UCP3: variants seen among roughly 807,000 people sequenced by gnomAD.
UCP3 encodes uncoupling protein 3, also known as putative mitochondrial transporter UCP3.
In UCP3, 24 loss-of-function variants were observed where a neutral mutation model predicts 28.1. The ratio of observed to expected loss-of-function variants is 0.85; its 90% CI spans 0.62 to 1.20. The LOEUF (loss-of-function observed/expected upper bound fraction) is 1.20, where lower values mean the gene tolerates loss of function less well. UCP3 is among the 50% of genes most tolerant of loss of function. The probability of loss-of-function intolerance (pLI) is 0.00; values close to 1 mark genes in which losing one functional copy is unlikely to be tolerated. For missense variants in UCP3, 397 were observed against 422.2 expected (o/e 0.94, Z 0.52); for synonymous variants, 184 against 171.2 (o/e 1.07, Z -0.59).
chr11:74,005,686 G>C, intron 4 of UCP3, 44 bp downstream of exon 4: 1 of 1,609,830 alleles, frequency 6.2e-7, no homozygotes, highest in Non-Finnish European at 8.5e-7. Flanking sequence ...TGAGGGGAGG[G>C]AAAGCTCTGC....
rs1183682904 is a variant in UCP3, at chr11:74,003,844, G to A, written c.807C>T (p.Pro269=). The change falls in exon 6 of 7, where the codon CCC becomes CCT. Residue 269 remains proline, a synonymous_variant. Transcript: ENST00000314032. The stretch of plus-strand genomic sequence containing the variant: ...AGGCTCACCCCTTGTAGAAGGCTGT[G>A]GGGCCCTCCTGGGCCACCATCTTTA... ...CMIKMVAQEG[P]TAFYKGFTPS... 1 of 1,608,894 alleles carries A rather than the reference G, an allele frequency of 6.2e-7. No homozygotes were observed. The highest frequency in any genetic ancestry group is 1.3e-5 in the African/African-American group (1 of 74,788).
At position 74,001,295 on chromosome 11, in the gene UCP3, A is replaced by AAAC. The variant is rs1951619716; in HGVS notation, c.*114_*116dup. 1 of 972,528 alleles carries AAAC rather than the reference A, an allele frequency of 1.0e-6. No individual in the cohort carries two copies. Among genetic ancestry groups the AAAC allele is most frequent in the Non-Finnish European group, 1.6e-6 (1 of 634,860 alleles). The allele number at this position is 972,528 out of a possible 1,614,324, so 60.2% of individuals were successfully genotyped here. A position where few individuals can be genotyped will look rare whatever the true frequency, so the allele number is the denominator to read the frequency against. On this transcript the variant is annotated 3_prime_UTR_variant, in exon 7 of 7. Transcript: ENST00000314032. The stretch of plus-strand genomic sequence containing the variant: ...TCTGTTTCTTGAATCAGCAACAAGT[A>AAAC]AACAACAGTTCTGTAAACATGTGTG...
Position 74,005,957 on chromosome 11 carries a change from C to T in UCP3, c.338-24G>A, listed in dbSNP as rs1179896120. The T allele has an allele frequency of 2.5e-6, 4 of 1,612,772 alleles. No homozygotes were observed. The African/African-American group carries it at 5.3e-5, about 22-fold the overall frequency. ...GTCTGGGAGGGGCAGAGAGAGTGGG[C>T]CAGTGTCCCCTACTAAGCAGCATTC... On this transcript the variant is annotated intron_variant, in intron 3 of 6. Coordinates refer to ENST00000314032, the MANE Select transcript of UCP3 (RefSeq NM_003356.4).
At position 74,001,435 on chromosome 11, in the gene UCP3, T is replaced by G; in HGVS notation, c.916A>C (p.Met306Leu). 6.2e-7 allele frequency: 1 copy of G among 1,614,186 alleles called. No homozygotes were observed. Among genetic ancestry groups the G allele is most frequent in the Non-Finnish European group, 8.5e-7 (1 of 1,180,034 alleles). ...QLKRALMKVQ[M>L]LRESPF ...GTTCAAAACGGTGATTCCCGTAACA[T>G]CTGGACTTTCATCAGGGCCCGTTTC... Residue 306 changes from methionine to leucine, a missense_variant, in exon 7 of 7, where the codon ATG (methionine) becomes CTG (leucine). Met to Leu is a conservative substitution (Grantham distance 15). Transcript: ENST00000314032.
At chr11:74,007,752 T>C (rs1951677756) in intron 1 of UCP3, among the ~76,000 whole-genome samples, 1 of 152,186 alleles carries the variant, frequency 6.6e-6, no homozygotes, top group South Asian at 2.1e-4. Context: ...AAAGCCCACC[T>C]TGGGGCTCTA....
intron 1 of UCP3, 42 bp from the exon 2 acceptor site, chr11:74,007,179 G>T: frequency 8.4e-7 from 1 of 1,187,246 alleles, no homozygotes; most frequent in Non-Finnish European, 1.2e-6. Flanking sequence ...AGTGATGTCT[G>T]GCCTGGCTCC....
intron 6 of UCP3, chr11:74,003,538 C>A: frequency 8.8e-7 from 1 of 1,135,100 alleles, no homozygotes. Context: ...GCTCAATGGC[C>A]ATGGCAGGAG....
chr11:74,006,820 C>T (rs2135389812), intron 2 of UCP3, 97 bp downstream of exon 2: 1 of 1,590,290 alleles, frequency 6.3e-7, no homozygotes, highest in Admixed American at 1.7e-5. Context: ...TGTCAGGGTT[C>T]TGAGGAAGGG....
At chr11:74,005,970 CT>C (rs772216802) in intron 3 of UCP3, 37 bp from the exon 4 acceptor site, 1,044 of 1,610,032 alleles carry the variant, frequency 6.5e-4, no homozygotes, top group Non-Finnish European at 8.5e-4. Context: ...GTGTCCCCTA[CT>C]AAGCAGCATT....
intron 5 of UCP3, 98 bp from the exon 6 acceptor site, chr11:74,004,105 A>G (rs934241306): frequency 1.3e-6 from 2 of 1,540,634 alleles, no homozygotes; most frequent in Non-Finnish European, 1.8e-6. Flanking sequence ...CTCCCTGAGC[A>G]TAGGACAGTA....
chr11:74,006,119 C>T, intron 3 of UCP3, 50 bp downstream of exon 3: 3 of 1,607,174 alleles, frequency 1.9e-6, no homozygotes, highest in Non-Finnish European at 2.5e-6. Context: ...GGTCTCTTGA[C>T]CCACACACTT....
rs1251311018 is a variant in UCP3 at position 74,001,403 on chromosome 11, T to C, written c.*9A>G. 6.2e-7 allele frequency: 1 copy of C among 1,614,036 alleles called. No homozygotes were observed. Among genetic ancestry groups the C allele is most frequent in the East Asian group, 2.2e-5 (1 of 44,890 alleles). On this transcript the variant is annotated 3_prime_UTR_variant, in exon 7 of 7. Transcript: ENST00000314032. ...GACACGTTAGCTACCAGTGGCCTTC[T>C]TGTCTTGTTCAAAACGGTGATTCCC...
rs77012485 is a variant in UCP3, at chr11:74,006,386, G to A, written c.127-7C>T. ...CCTGGTTCTCCCCCTGGATCTGAGG[G>A]ACAATAGCAGGGGGTGAGGACTCAG... On this transcript the variant is annotated splice_polypyrimidine_tract_variant and splice_region_variant and intron_variant, in intron 2 of 6. Transcript: ENST00000314032. 1.5e-3 allele frequency: 2,346 copies of A among 1,549,650 alleles called. 22 individuals carry two copies. In the African/African-American group the frequency reaches 0.027, roughly 18 times the overall value.
chr11:74,003,281 T>C (rs1951634308), intron 6 of UCP3, among the ~76,000 whole-genome samples: 2 of 152,160 alleles, frequency 1.3e-5, no homozygotes, highest in Non-Finnish European at 2.9e-5. Context: ...AATACTATAA[T>C]ACAAGGCAGG....
intron 6 of UCP3, chr11:74,003,580 C>G: frequency 8.1e-7 from 1 of 1,234,712 alleles, no homozygotes; most frequent in Non-Finnish European, 1.0e-6. Flanking sequence ...CTAACTTCCT[C>G]TGGAGACAGG....
intron 1 of UCP3, 79 bp from the exon 2 acceptor site, chr11:74,007,216 G>T: frequency 1.2e-6 from 1 of 821,222 alleles, no homozygotes; most frequent in South Asian, 1.8e-5. Flanking sequence ...CCCAGGAGGG[G>T]CTTTAGAAAG....
intron 1 of UCP3, among the ~76,000 whole-genome samples, chr11:74,007,659 T>G (rs1951677102): frequency 6.6e-6 from 1 of 152,178 alleles, no homozygotes; most frequent in Admixed American, 6.5e-5. Flanking sequence ...CTTGAACTCT[T>G]GGCCTCAGCG....
At chr11:74,003,040 T>G (rs1195478149) in intron 6 of UCP3, 20 of 772,008 alleles carry the variant, frequency 2.6e-5, no homozygotes, top group Non-Finnish European at 2.7e-5. Flanking sequence ...CTCAGTCTTT[T>G]CCTTAGTTAA....
intron 6 of UCP3, chr11:74,003,105 T>C (rs1951633011): frequency 3.8e-6 from 1 of 266,110 alleles, no homozygotes; most frequent in Admixed American, 6.5e-5. Context: ...TGTAAAGTGC[T>C]CAGCACGAGG....
Sources: gnomAD v4.1 joint callset for allele counts (sites outside exome capture counted in the v4.1 genomes callset) on GRCh38, gnomAD v4.1.1 for gene constraint, MANE v1.5 for transcripts, NCBI Gene and HGNC (gene_info 2026-07-23, HGNC 2026-07-21) for gene names.